The following HCN1 variants were observed in gnomAD, a reference collection of about 807,000 sequenced individuals.
The protein encoded by HCN1 is hyperpolarization activated cyclic nucleotide gated potassium channel 1, also known as potassium/sodium hyperpolarization-activated cyclic nucleotide-gated channel 1.
Under a neutral mutation model 78.9 loss-of-function variants are expected in HCN1, and 13 were observed. The ratio of observed to expected loss-of-function variants is 0.16; its 90% CI spans 0.11 to 0.26. HCN1 has a LOEUF of 0.26. Ranked by LOEUF, HCN1 falls within the 10% of genes least tolerant of loss-of-function variation. The pLI, the probability that HCN1 is intolerant of heterozygous loss-of-function variation, is 1.00. For missense variants in HCN1, 810 were observed against 1,154.3 expected (o/e 0.70, Z 4.32); for synonymous variants, 552 against 455.5 (o/e 1.21, Z -2.70).
chr5:45,572,646 G>A (rs1743859577), intron 2 of HCN1, among the ~76,000 whole-genome samples: 1 of 152,020 alleles, frequency 6.6e-6, no homozygotes, highest in Admixed American at 6.6e-5. Flanking sequence ...CTCTTTTAAT[G>A]GTAAAATGGT....
intron 5 of HCN1, among the ~76,000 whole-genome samples, chr5:45,350,273 C>A (rs1475889017): frequency 6.6e-6 from 1 of 152,070 alleles, no homozygotes; most frequent in Non-Finnish European, 1.5e-5. Context: ...AAGACAAAAA[C>A]TACATGATTA....
At chr5:45,425,291 T>C (rs1260732329) in intron 3 of HCN1, among the ~76,000 whole-genome samples, 1 of 152,212 alleles carries the variant, frequency 6.6e-6, no homozygotes, top group Non-Finnish European at 1.5e-5. Flanking sequence ...TATAATTAAC[T>C]CCATCTGTGT....
intron 2 of HCN1, among the ~76,000 whole-genome samples, chr5:45,524,470 A>G (rs1742686520): frequency 1.3e-5 from 2 of 152,168 alleles, no homozygotes; most frequent in Non-Finnish European, 2.9e-5. Context: ...CATTTTCATG[A>G]TATTGATTCT....
intron 5 of HCN1, among the ~76,000 whole-genome samples, 161 bp downstream of exon 5, chr5:45,352,939 A>G (rs1014018631): frequency 6.6e-6 from 1 of 152,080 alleles, no homozygotes; most frequent in African/African-American, 2.4e-5. Flanking sequence ...TTTTTTCAAC[A>G]TTTAAGAGCT....
chr5:45,529,140 T>A (rs1742792396), intron 2 of HCN1, among the ~76,000 whole-genome samples: 1 of 151,966 alleles, frequency 6.6e-6, no homozygotes. Context: ...GAAAAAGAAG[T>A]TCACTGTTAT....
intron 4 of HCN1, among the ~76,000 whole-genome samples, chr5:45,395,034 T>C (rs983500153): frequency 6.6e-6 from 1 of 152,164 alleles, no homozygotes; most frequent in Non-Finnish European, 1.5e-5. Context: ...ACTTGGCTAA[T>C]ACAGGAAATT....
rs1452945908 is a variant in HCN1 at position 45,258,439 on chromosome 5, T to C, written c.*3482A>G. 6.6e-6 allele frequency: 1 copy of C among 152,186 alleles called. No individual in the cohort carries two copies. The highest frequency in any genetic ancestry group is 1.9e-4 in the East Asian group (1 of 5,198). 9.4% of individuals were successfully genotyped at this position (152,186 alleles called of 1,614,324 possible). ...TGGAACAGCATTCATCAGGGAATTG[T>C]TCACTTATGAAGAGGTCATCCAGAC... On this transcript the variant is annotated 3_prime_UTR_variant, in exon 8 of 8. Transcript: ENST00000303230.
In HCN1 at chr5:45,417,794, G is replaced by A. The variant is rs139961407; in HGVS notation, c.1012-21084C>T. On this transcript the variant is annotated intron_variant, in intron 3 of 7. Transcript: ENST00000303230. ...AAAAAAAAACAAGGTCACGCTCAAG[G>A]TGTATGACTTCATGGTGGAAAATTT... Among the ~76,000 whole-genome samples, 9 of 147,868 alleles carry A rather than the reference G, an allele frequency of 6.1e-5. No homozygotes were observed. The East Asian group carries it at 1.8e-3, about 29-fold the overall frequency.
At chr5:45,362,154 TTGTGTG>T (rs200176463) in intron 4 of HCN1, among the ~76,000 whole-genome samples, 434 of 142,630 alleles carry the variant, frequency 3.0e-3, no homozygotes, top group Non-Finnish European at 3.5e-3. Context: ...GTGTGTGTGT[TTGTGTG>T]TGTGTGTGTG....
intron 2 of HCN1, among the ~76,000 whole-genome samples, chr5:45,626,922 T>A (rs1745173265): frequency 6.6e-6 from 1 of 151,894 alleles, no homozygotes; most frequent in South Asian, 2.1e-4. Context: ...TACATATGTA[T>A]ATGATTACCA....
chr5:45,578,106 G>T (rs990896817), intron 2 of HCN1, among the ~76,000 whole-genome samples: 4 of 151,998 alleles, frequency 2.6e-5, no homozygotes, highest in Non-Finnish European at 4.4e-5. Context: ...GGGATGGTAA[G>T]AAAAGGTTTA....
At chr5:45,298,796 T>C in intron 6 of HCN1, among the ~76,000 whole-genome samples, 1 of 151,620 alleles carries the variant, frequency 6.6e-6, no homozygotes, top group South Asian at 2.1e-4. Context: ...TTCCAAAGAG[T>C]ACAGTATGGA....
intron 6 of HCN1, among the ~76,000 whole-genome samples, chr5:45,276,568 A>G (rs1745062903): frequency 6.6e-6 from 1 of 152,128 alleles, no homozygotes; most frequent in Non-Finnish European, 1.5e-5. Context: ...TAAAGATAAC[A>G]TGAATTCAAG....
At chr5:45,330,899 G>A (rs568712460) in intron 5 of HCN1, among the ~76,000 whole-genome samples, 1 of 151,052 alleles carries the variant, frequency 6.6e-6, no homozygotes, top group African/African-American at 2.4e-5. Flanking sequence ...AATTTCTAAT[G>A]GGTAAAATTT....
intron 2 of HCN1, among the ~76,000 whole-genome samples, chr5:45,506,740 G>C (rs1742310010): frequency 6.6e-6 from 1 of 151,980 alleles, no homozygotes; most frequent in Non-Finnish European, 1.5e-5. Context: ...GTACAGCTCT[G>C]TATGGAGATC....
At chr5:45,624,642 T>C (rs983077411) in intron 2 of HCN1, among the ~76,000 whole-genome samples, 1 of 152,044 alleles carries the variant, frequency 6.6e-6, no homozygotes, top group Non-Finnish European at 1.5e-5. Flanking sequence ...AGGGATTCTA[T>C]TGATAGAGAC....
intron 1 of HCN1, among the ~76,000 whole-genome samples, chr5:45,661,490 C>A (rs1277533193): frequency 9.0e-6 from 1 of 110,834 alleles, no homozygotes; most frequent in East Asian, 2.7e-4. Flanking sequence ...CACAAAAAAC[C>A]CTTCAAAAAA....
intron 2 of HCN1, among the ~76,000 whole-genome samples, chr5:45,548,723 C>A (rs927890656): frequency 2.0e-5 from 3 of 152,084 alleles, no homozygotes; most frequent in Non-Finnish European, 2.9e-5. Flanking sequence ...TTTGCAGATG[C>A]CATGATTGTG....
intron 3 of HCN1, among the ~76,000 whole-genome samples, chr5:45,455,097 C>T (rs982700557): frequency 3.3e-5 from 5 of 152,130 alleles, no homozygotes; most frequent in Admixed American, 3.3e-4. Context: ...TTTCAATCCA[C>T]ACAGGGCTAC....
Sources: gnomAD v4.1 joint callset for allele counts (sites outside exome capture counted in the v4.1 genomes callset) on GRCh38, gnomAD v4.1.1 for gene constraint, MANE v1.5 for transcripts, NCBI Gene and HGNC (gene_info 2026-07-23, HGNC 2026-07-21) for gene names.